Variants in VIPR1 observed in about 807,000 individuals in gnomAD.
VIPR1 encodes the protein vasoactive intestinal polypeptide receptor 1.
A neutral mutation model predicts 58.8 loss-of-function variants in VIPR1; 59 were observed. The ratio of observed to expected loss-of-function variants is 1.00; its 90% CI spans 0.81 to 1.25. VIPR1 has a LOEUF of 1.25. Among genes scored for constraint, VIPR1 ranks in the 50% most tolerant of loss-of-function variants. The pLI is 0.00. For missense variants in VIPR1, 626 were observed against 602.7 expected, an observed-to-expected ratio of 1.04 and a Z score of -0.40; for synonymous variants, 251 against 242.1, an observed-to-expected ratio of 1.04 and a Z score of -0.34.
chr3:42,514,295 G>T (rs1405018003), intron 2 of VIPR1, among the ~76,000 whole-genome samples: 1 of 152,034 alleles, frequency 6.6e-6, no homozygotes, highest in Non-Finnish European at 1.5e-5. Flanking sequence ...TCCAGGATTA[G>T]AACATTGTAC....
rs1577266060 is a variant in VIPR1, at chr3:42,536,829, A to G, written c.*548A>G. ...ACTACCCTATTCTCTCTTTACGCTT[A>G]GTTATCAGCTTTTTAAAGTGGGTTA... is the stretch of plus-strand genomic sequence containing the variant. On this transcript the variant is annotated 3_prime_UTR_variant, in exon 13 of 13. Transcript: ENST00000325123. 3 of 152,352 alleles carry G rather than the reference A, an allele frequency of 2.0e-5. No individual in the cohort carries two copies. Among genetic ancestry groups the G allele is most frequent in the Admixed American group, 6.5e-5 (1 of 15,292 alleles). 9.4% of individuals were successfully genotyped at this position (152,352 alleles called of 1,614,324 possible). A position where few individuals can be genotyped will look rare whatever the true frequency, so the allele number is the denominator to read the frequency against.
intron 3 of VIPR1, 30 bp from the exon 4 acceptor site, chr3:42,525,857 C>A: frequency 6.3e-7 from 1 of 1,578,088 alleles, no homozygotes; most frequent in East Asian, 2.3e-5. Context: ...CCGGCCTCAG[C>A]CTTTGTCCTT....
intron 4 of VIPR1, 72 bp downstream of exon 4, chr3:42,526,065 C>A: frequency 1.4e-6 from 2 of 1,407,596 alleles, no homozygotes; most frequent in Non-Finnish European, 2.0e-6. Flanking sequence ...ATCTCTCCCA[C>A]CGAGGGGTGT....
At chr3:42,513,607 G>A (rs1700470081) in intron 1 of VIPR1, 142 bp from the exon 2 acceptor site, 2 of 849,756 alleles carry the variant, frequency 2.4e-6, no homozygotes, top group Non-Finnish European at 3.6e-6. Flanking sequence ...TCAGGTTCAG[G>A]TTTCAGTCTT....
In VIPR1 at chr3:42,530,935, A is replaced by G. The variant is rs955986618; in HGVS notation, c.790+3A>G. ...GGGGTACATACTCATCGGCTGGGGT[A>G]TGGTACCAGGGAGGGCTTCCAGGCT... is the stretch of plus-strand genomic sequence containing the variant. On this transcript the variant is annotated splice_donor_region_variant and intron_variant, in intron 7 of 12. Coordinates refer to ENST00000325123, the MANE Select transcript of VIPR1 (RefSeq NM_004624.4). The G allele has an allele frequency of 6.2e-7, 1 of 1,613,868 alleles. No individual in the cohort carries two copies. Among genetic ancestry groups the G allele is most frequent in the Non-Finnish European group, 8.5e-7 (1 of 1,179,842 alleles).
At chr3:42,523,072 T>G (rs1701036394) in intron 3 of VIPR1, among the ~76,000 whole-genome samples, 1 of 148,702 alleles carries the variant, frequency 6.7e-6, no homozygotes. Flanking sequence ...CCCTTCACTG[T>G]TGCATGCCCT....
chr3:42,532,666 T>A (rs774507756), intron 10 of VIPR1: 9 of 403,344 alleles, frequency 2.2e-5, no homozygotes, highest in Non-Finnish European at 3.7e-5. Context: ...CCCTGGCATG[T>A]GCCTCACATG....
rs569598884 is a variant in VIPR1, at chr3:42,493,971, C to T, written c.-245+4293C>T. On this transcript the variant is annotated intron_variant, in intron 1 of 13. Coordinates refer to the VIPR1 transcript ENST00000433647. ...CTCAACTCCCACCTGGCAGGTGAGG[C>T]TGCCTCTGCCCACACCCGTCCTGGG... Among the ~76,000 whole-genome samples, 36 of 152,336 alleles carry T rather than the reference C, an allele frequency of 2.4e-4. 1 individual carries two copies. Among genetic ancestry groups the T allele is most frequent in the African/African-American group, 8.4e-4 (35 of 41,574 alleles).
At chr3:42,533,151 G>A (rs144340814) in intron 10 of VIPR1, 1 of 152,376 alleles carries the variant, frequency 6.6e-6, no homozygotes, top group Non-Finnish European at 1.5e-5. Context: ...AGGAGATTGA[G>A]TATCAGTGCT....
At chr3:42,530,587 C>T (rs1039672090) in intron 6 of VIPR1, 192 bp from the exon 7 acceptor site, 8 of 602,480 alleles carry the variant, frequency 1.3e-5, no homozygotes, top group South Asian at 2.5e-5. Context: ...CAGTTTATCC[C>T]GAAGTATCAG....
rs375646763 is a variant in VIPR1, at chr3:42,534,979, C to T, written c.1015C>T (p.Leu339=). Residue 339 remains leucine, a synonymous_variant, in exon 11 of 13, where the codon CTA becomes TTA. Coordinates refer to ENST00000325123, the MANE Select transcript of VIPR1 (RefSeq NM_004624.4). ...RKSDSSPYSR[L]ARSTLLLIPL... Reference sequence around the variant, plus strand: ...CTGTCCCTCCCCTGTCTCCAGAAGGCTAGCCAGGTCCACACTCCTGCTGAT... The same window carrying T: ...CTGTCCCTCCCCTGTCTCCAGAAGGTTAGCCAGGTCCACACTCCTGCTGAT... The T allele has an allele frequency of 1.2e-6, 2 of 1,614,048 alleles. No homozygotes were observed. Among genetic ancestry groups the T allele is most frequent in the East Asian group, 2.2e-5 (1 of 44,898 alleles).
chr3:42,507,959 A>AAAAAAAAAAAG, intron 1 of VIPR1: 1 of 146,942 alleles, frequency 6.8e-6, no homozygotes, highest in South Asian at 2.2e-4. Flanking sequence ...AGGCTGGCAA[A>AAAAAAAAAAAG]AAAAAAAAAA....
intron 3 of VIPR1, among the ~76,000 whole-genome samples, chr3:42,523,094 C>T (rs1221758069): frequency 1.3e-5 from 2 of 149,268 alleles, no homozygotes; most frequent in South Asian, 4.2e-4. Context: ...ACCCCGCCCC[C>T]AGTGGAGTGT....
chr3:42,503,671 C>A (rs186648146), intron 1 of VIPR1, among the ~76,000 whole-genome samples: 1 of 152,094 alleles, frequency 6.6e-6, no homozygotes, highest in Non-Finnish European at 1.5e-5. Context: ...ACAGGGGAGA[C>A]CTCAGCACTC....
rs144981933 is a variant in VIPR1, at chr3:42,513,372, A to C, written c.79-377A>C. On this transcript the variant is annotated intron_variant, in intron 1 of 12. Coordinates refer to ENST00000325123, the MANE Select transcript of VIPR1 (RefSeq NM_004624.4). ...CACGAGCTGGCCCCACTCATCAGGG[A>C]GATCAAGACAGGGACAGACTCTCAA... 1,191 of 183,598 alleles carry C rather than the reference A, an allele frequency of 6.5e-3. 26 individuals carry two copies. Among genetic ancestry groups the C allele is most frequent in the African/African-American group, 0.027 (1,146 of 42,746 alleles). 11.4% of individuals were successfully genotyped at this position (183,598 alleles called of 1,614,324 possible). A position where few individuals can be genotyped will look rare whatever the true frequency, so the allele number is the denominator to read the frequency against.
In VIPR1 at chr3:42,502,809, C is replaced by G. The variant is rs1699928227; in HGVS notation, c.74C>G (p.Pro25Arg). 5 of 1,254,200 alleles carry G rather than the reference C, an allele frequency of 4.0e-6. No homozygotes were observed. The highest frequency in any genetic ancestry group is 3.0e-6 in the Non-Finnish European group (3 of 1,000,246). The allele number at this position is 1,254,200 out of a possible 1,614,324, so 77.7% of individuals were successfully genotyped here. The stretch of plus-strand genomic sequence containing the variant: ...GGCGCCCTCGCCTGGGCCCTTGGGC[C>G]GGCGGTGAGTGTTCGCCCGGCCGCC... ...LAGALAWALG[P>R]AGGQAARLQE... The change falls in exon 1 of 13, where the codon CCG becomes CGG. Residue 25 changes from proline (P) to arginine (R), a missense_variant. By Grantham distance (103) the Pro-to-Arg change is moderately radical (BLOSUM62 -2). Coordinates refer to ENST00000325123, the MANE Select transcript of VIPR1 (RefSeq NM_004624.4).
At chr3:42,490,079 G>C (rs1157461066) in intron 1 of VIPR1, among the ~76,000 whole-genome samples, 1 of 152,016 alleles carries the variant, frequency 6.6e-6, no homozygotes, top group African/African-American at 2.4e-5. Context: ...TCCTACAAGA[G>C]ACTCTGGTCT....
In VIPR1 at chr3:42,524,402, A is replaced by T. The variant is rs536648583; in HGVS notation, c.293-1485A>T. Among the ~76,000 whole-genome samples the T allele has an allele frequency of 2.0e-5, 3 of 152,304 alleles. No homozygotes were observed. In the East Asian group the frequency reaches 5.8e-4, roughly 29 times the overall value. On this transcript the variant is annotated intron_variant, in intron 3 of 12. Transcript: ENST00000325123. ...TTGGGAGCCCAGGGCAGAAAAAGGGATGCCAAGGCAGGAAACTGGCCCAGT... is the reference window on the plus strand; with the variant it reads ...TTGGGAGCCCAGGGCAGAAAAAGGGTTGCCAAGGCAGGAAACTGGCCCAGT...
chr3:42,516,193 C>T (rs1277545847), intron 2 of VIPR1, among the ~76,000 whole-genome samples: 1 of 152,208 alleles, frequency 6.6e-6, no homozygotes, highest in African/African-American at 2.4e-5. Context: ...GGCACAGCCC[C>T]ACCTGTGGGC....
Sources: allele counts gnomAD v4.1 joint callset (sites outside exome capture counted in the v4.1 genomes callset), GRCh38; gene constraint gnomAD v4.1.1; transcripts MANE v1.5; gene names NCBI Gene and HGNC (gene_info 2026-07-23, HGNC 2026-07-21).